ASIC2: variants seen among roughly 807,000 people sequenced by gnomAD.
ASIC2 encodes acid sensing ion channel subunit 2.
ASIC2 carries 25 observed loss-of-function variants against 57.3 expected under a neutral mutation model. The observed-to-expected ratio is 0.44, with a 90% confidence interval of 0.32 to 0.61. The LOEUF (loss-of-function observed/expected upper bound fraction) is 0.61, where lower values mean the gene tolerates loss of function less well. Among genes scored for constraint, ASIC2 ranks in the 20% least tolerant of loss-of-function variants. ASIC2 has a pLI of 0.06. For synonymous variants in ASIC2, 319 were observed against 307.5 expected (o/e 1.04, Z -0.39); for missense variants, 641 against 738.1 (o/e 0.87, Z 1.52).
chr17:33,222,444 C>T (rs2142098761), intron 1 of ASIC2, among the ~76,000 whole-genome samples: 1 of 152,258 alleles, frequency 6.6e-6, no homozygotes, highest in Non-Finnish European at 1.5e-5. Context: ...CAGTAATGAG[C>T]ATGGGTTTAT....
At chr17:33,854,858 T>C (rs1913874654) in intron 1 of ASIC2, among the ~76,000 whole-genome samples, 1 of 151,968 alleles carries the variant, frequency 6.6e-6, no homozygotes, top group African/African-American at 2.4e-5. Context: ...TGTGTTAGCT[T>C]GTGGTTATTA....
intron 1 of ASIC2, among the ~76,000 whole-genome samples, chr17:33,273,866 A>C (rs1904603669): frequency 6.6e-6 from 1 of 151,526 alleles, no homozygotes; most frequent in Non-Finnish European, 1.5e-5. Context: ...GGGAGAAATG[A>C]CTGGGGGAGG....
intron 1 of ASIC2, among the ~76,000 whole-genome samples, chr17:34,053,504 C>G (rs1908644938): frequency 6.6e-6 from 1 of 152,196 alleles, no homozygotes. Flanking sequence ...CAACATCCCA[C>G]AGTATTAAAG....
intron 1 of ASIC2, among the ~76,000 whole-genome samples, chr17:34,028,864 TC>T (rs1167721361): frequency 1.3e-5 from 2 of 152,104 alleles, no homozygotes; most frequent in Non-Finnish European, 2.9e-5. Context: ...CTCCTACCAG[TC>T]CCCCCATCTC....
At chr17:33,678,333 A>G (rs1907890504) in intron 1 of ASIC2, among the ~76,000 whole-genome samples, 2 of 151,852 alleles carry the variant, frequency 1.3e-5, no homozygotes, top group African/African-American at 4.8e-5. Context: ...CTGGAGCTGA[A>G]TTTGCAATAT....
intron 1 of ASIC2, among the ~76,000 whole-genome samples, chr17:33,728,546 C>G (rs886391561): frequency 6.6e-6 from 1 of 152,174 alleles, no homozygotes. Context: ...TCCTTAGAGA[C>G]CTTATCACAG....
At chr17:33,080,186 G>A (rs1285107904) in intron 3 of ASIC2, among the ~76,000 whole-genome samples, 1 of 152,052 alleles carries the variant, frequency 6.6e-6, no homozygotes, top group Non-Finnish European at 1.5e-5. Context: ...TGCTTATGAA[G>A]GGGGCCAAGG....
chr17:34,001,820 C>T (rs566653070), intron 1 of ASIC2: 4 of 152,368 alleles, frequency 2.6e-5, no homozygotes, highest in African/African-American at 9.6e-5. Flanking sequence ...TGTACTCTCT[C>T]TCCTGGATTC....
chr17:33,212,651 G>T (rs1907324338), intron 1 of ASIC2, among the ~76,000 whole-genome samples: 1 of 152,204 alleles, frequency 6.6e-6, no homozygotes, highest in Non-Finnish European at 1.5e-5. Context: ...AATGGGGTAT[G>T]AGAAGCATGT....
intron 1 of ASIC2, among the ~76,000 whole-genome samples, chr17:34,115,003 G>A (rs986566330): frequency 3.3e-5 from 5 of 152,174 alleles, no homozygotes; most frequent in Non-Finnish European, 1.5e-5. Context: ...GAACCACTTG[G>A]AACAGAGAAA....
At chr17:33,775,955 A>C (rs1911260180) in intron 1 of ASIC2, among the ~76,000 whole-genome samples, 1 of 152,108 alleles carries the variant, frequency 6.6e-6, no homozygotes, top group Non-Finnish European at 1.5e-5. Context: ...TGACATGACG[A>C]AACACCGTAT....
intron 1 of ASIC2, among the ~76,000 whole-genome samples, chr17:33,889,608 A>G (rs1914913991): frequency 1.3e-5 from 2 of 152,220 alleles, no homozygotes; most frequent in Admixed American, 1.3e-4. Context: ...TCACCAAGAT[A>G]ATACTAACGT....
intron 1 of ASIC2, among the ~76,000 whole-genome samples, chr17:34,096,048 G>A (rs2142093232): frequency 6.6e-6 from 1 of 152,244 alleles, no homozygotes; most frequent in Non-Finnish European, 1.5e-5. Flanking sequence ...GTAGCTTTCT[G>A]ACTTCATGTC....
At position 33,092,423 on chromosome 17, in the gene ASIC2, C is replaced by A. The variant is rs114756753; in HGVS notation, c.860-3433G>T. On this transcript the variant is annotated intron_variant, in intron 2 of 9. Transcript: ENST00000225823. ...CAAATGTAGACTGTTAGAGCCAAGGCAACTTCACACCATCCACTTTGGAGG... is the reference window on the plus strand; with the variant it reads ...CAAATGTAGACTGTTAGAGCCAAGGAAACTTCACACCATCCACTTTGGAGG... Among the ~76,000 whole-genome samples the A allele has an allele frequency of 2.8e-3, 420 of 152,364 alleles. 2 individuals are homozygous for A. Among genetic ancestry groups the A allele is most frequent in the African/African-American group, 9.8e-3 (406 of 41,590 alleles).
intron 1 of ASIC2, among the ~76,000 whole-genome samples, chr17:34,127,188 A>AG (rs1911812177): frequency 6.6e-6 from 1 of 152,190 alleles, no homozygotes; most frequent in Admixed American, 6.5e-5. Context: ...GTGAAAGGCC[A>AG]GGGGGTCAAA....
chr17:33,128,407 A>G (rs4510073), intron 1 of ASIC2, among the ~76,000 whole-genome samples: 58,323 of 152,104 alleles, frequency 0.38, 11,329 homozygotes, highest in African/African-American at 0.44. Flanking sequence ...GCTCTAGGCT[A>G]TCTTGCTTTT....
At chr17:33,821,089 A>T (rs1377012871) in intron 1 of ASIC2, among the ~76,000 whole-genome samples, 2 of 152,144 alleles carry the variant, frequency 1.3e-5, no homozygotes, top group Non-Finnish European at 2.9e-5. Context: ...GCCTCTGTGT[A>T]TGTATTTTCC....
At chr17:33,232,571 C>T (rs1279863773) in intron 1 of ASIC2, among the ~76,000 whole-genome samples, 1 of 151,992 alleles carries the variant, frequency 6.6e-6, no homozygotes, top group East Asian at 1.9e-4. Context: ...TCTAAATATA[C>T]TTTGTTTTGT....
At chr17:34,032,906 A>G (rs530273741) in intron 1 of ASIC2, among the ~76,000 whole-genome samples, 2 of 152,306 alleles carry the variant, frequency 1.3e-5, no homozygotes, top group Admixed American at 6.5e-5. Flanking sequence ...CTCCCACACA[A>G]TAATAATGGG....
Sources: allele counts gnomAD v4.1 joint callset (sites outside exome capture counted in the v4.1 genomes callset), GRCh38; gene constraint gnomAD v4.1.1; transcripts MANE v1.5; gene names NCBI Gene and HGNC (gene_info 2026-07-23, HGNC 2026-07-21).